Variants in KAZN observed in about 807,000 individuals in gnomAD.
The protein encoded by KAZN is kazrin, periplakin interacting protein.
Under a neutral mutation model 87.4 loss-of-function variants are expected in KAZN, and 40 were observed. The observed-to-expected ratio is 0.46, with a 90% CI of 0.36 to 0.60. The LOEUF (loss-of-function observed/expected upper bound fraction) is 0.60. KAZN is among the 20% of genes least tolerant of loss of function. KAZN has a pLI of 0.00. For synonymous variants in KAZN, 466 were observed against 458.3 expected (o/e 1.02, Z -0.22); for missense variants, 898 against 1,073.9 (o/e 0.84, Z 2.29).
At chr1:14,833,506 T>A (rs1450391387) in intron 1 of KAZN, among the ~76,000 whole-genome samples, 1 of 152,134 alleles carries the variant, frequency 6.6e-6, no homozygotes, top group Non-Finnish European at 1.5e-5. Context: ...GCTGGGTGTC[T>A]CAGTGTGGAG....
intron 2 of KAZN, among the ~76,000 whole-genome samples, chr1:14,417,054 T>C (rs977832310): frequency 6.6e-6 from 1 of 150,900 alleles, no homozygotes; most frequent in Admixed American, 6.6e-5. Flanking sequence ...TAACCAGGTG[T>C]AGTGGCATGT....
intron 2 of KAZN, among the ~76,000 whole-genome samples, chr1:14,398,947 G>A (rs1663137337): frequency 6.6e-6 from 1 of 152,104 alleles, no homozygotes; most frequent in Non-Finnish European, 1.5e-5. Context: ...TGCCTCAACT[G>A]CCACCGATCC....
intron 1 of KAZN, among the ~76,000 whole-genome samples, chr1:14,065,257 A>G (rs1386206316): frequency 6.6e-6 from 1 of 152,216 alleles, no homozygotes; most frequent in East Asian, 1.9e-4. Context: ...CGGTGAAGGA[A>G]CAGAGGAGTT....
intron 2 of KAZN, among the ~76,000 whole-genome samples, chr1:14,208,343 A>G (rs576277834): frequency 6.6e-5 from 10 of 152,366 alleles, no homozygotes; most frequent in African/African-American, 2.2e-4. Context: ...TATATAAAAA[A>G]TAGCTCTTTA....
intron 1 of KAZN, among the ~76,000 whole-genome samples, chr1:13,954,142 C>T (rs1489923977): frequency 6.6e-6 from 1 of 152,080 alleles, no homozygotes; most frequent in Non-Finnish European, 1.5e-5. Context: ...AGGCGGAGGT[C>T]GCAGTGAGCC....
At chr1:14,816,662 T>C (rs1646574288) in intron 1 of KAZN, among the ~76,000 whole-genome samples, 1 of 152,212 alleles carries the variant, frequency 6.6e-6, no homozygotes, top group Non-Finnish European at 1.5e-5. Flanking sequence ...GATCTAGATA[T>C]ATTTACATGT....
At position 13,971,089 on chromosome 1, in the gene KAZN, C is replaced by T. The variant is rs1023576762; in HGVS notation, c.91+77333C>T. The stretch of plus-strand genomic sequence containing the variant: ...TTCTTCTGCTCTGTGCTAGACATGT[C>T]TGGGAGTTGGCTGGCTGGTGTCTAC... On this transcript the variant is annotated intron_variant, in intron 1 of 16. Coordinates refer to the KAZN transcript ENST00000636203. Among the ~76,000 whole-genome samples the T allele has an allele frequency of 3.3e-5, 5 of 152,128 alleles. No individual in the cohort carries two copies. The East Asian group carries it at 9.7e-4, about 29-fold the overall frequency.
At chr1:13,945,985 C>G (rs1277456465) in intron 1 of KAZN, among the ~76,000 whole-genome samples, 1 of 152,174 alleles carries the variant, frequency 6.6e-6, no homozygotes, top group Non-Finnish European at 1.5e-5. Context: ...AGGCCTCTCT[C>G]CAGCACCAAG....
intron 2 of KAZN, among the ~76,000 whole-genome samples, chr1:14,191,430 AAGGAACAGC>A (rs1272619696): frequency 6.6e-6 from 1 of 152,176 alleles, no homozygotes; most frequent in Non-Finnish European, 1.5e-5. Flanking sequence ...AAGGAAACAG[AAGGAACAGC>A]AGGCTTGAAT....
At chr1:14,350,007 G>A (rs953166205) in intron 2 of KAZN, among the ~76,000 whole-genome samples, 8 of 151,980 alleles carry the variant, frequency 5.3e-5, no homozygotes, top group South Asian at 2.1e-4. Flanking sequence ...ATGGTGGCAG[G>A]CACCTGTAGT....
intron 1 of KAZN, among the ~76,000 whole-genome samples, chr1:14,121,660 T>C (rs1275572656): frequency 6.6e-6 from 1 of 152,190 alleles, no homozygotes. Flanking sequence ...ATGTGAGCAC[T>C]TAAATGCTTA....
At chr1:14,315,831 T>A (rs1356847357) in intron 2 of KAZN, among the ~76,000 whole-genome samples, 2 of 152,114 alleles carry the variant, frequency 1.3e-5, no homozygotes, top group African/African-American at 4.8e-5. Context: ...TTCCAATTTA[T>A]GGCTTCTATG....
At chr1:14,366,065 C>A (rs929645684) in intron 2 of KAZN, among the ~76,000 whole-genome samples, 1 of 152,168 alleles carries the variant, frequency 6.6e-6, no homozygotes, top group African/African-American at 2.4e-5. Context: ...AAAGGAAAAT[C>A]GATTTCTCCA....
chr1:14,324,663 G>C (rs113158605), intron 2 of KAZN, among the ~76,000 whole-genome samples: 3,524 of 152,098 alleles, frequency 0.023, 143 homozygotes, highest in African/African-American at 0.08. Context: ...TTCTGCAAAG[G>C]GGGGGAAGTA....
intron 1 of KAZN, among the ~76,000 whole-genome samples, chr1:13,929,267 T>A (rs887175096): frequency 4.6e-5 from 7 of 152,136 alleles, no homozygotes; most frequent in African/African-American, 2.4e-5. Context: ...GAGTGGCACC[T>A]GAGAGGCACT....
intron 1 of KAZN, among the ~76,000 whole-genome samples, chr1:14,141,236 T>TAA (rs59679402): frequency 3.3e-4 from 13 of 39,238 alleles, no homozygotes; most frequent in Admixed American, 4.1e-4. Context: ...GATTACCATT[T>TAA]AAAAAAAAAA....
intron 1 of KAZN, among the ~76,000 whole-genome samples, chr1:14,104,188 T>C: frequency 6.6e-6 from 1 of 152,166 alleles, no homozygotes. Flanking sequence ...GTGGCCTCAT[T>C]GCAGAGCTGG....
intron 1 of KAZN, among the ~76,000 whole-genome samples, chr1:13,957,011 G>A (rs1641575559): frequency 6.6e-6 from 1 of 152,194 alleles, no homozygotes; most frequent in African/African-American, 2.4e-5. Context: ...AGACCATTGT[G>A]AGTCTTCTTT....
intron 1 of KAZN, among the ~76,000 whole-genome samples, chr1:13,927,813 G>A (rs183411438): frequency 7.2e-5 from 11 of 152,196 alleles, no homozygotes; most frequent in Admixed American, 7.2e-4. Context: ...AGAGACACAA[G>A]TACAGGGTGC....
Sources: gnomAD v4.1 joint callset for allele counts (sites outside exome capture counted in the v4.1 genomes callset) on GRCh38, gnomAD v4.1.1 for gene constraint, MANE v1.5 for transcripts, NCBI Gene and HGNC (gene_info 2026-07-23, HGNC 2026-07-21) for gene names.